JMJD1C: variants seen among roughly 807,000 people sequenced by gnomAD.
JMJD1C encodes the protein jumonji domain-containing protein 1C.
A neutral mutation model predicts 245.3 loss-of-function variants in JMJD1C; 31 were observed. The ratio of observed to expected loss-of-function variants is 0.13; its 90% CI spans 0.09 to 0.17. The LOEUF is 0.17. Ranked by LOEUF, JMJD1C falls within the 10% of genes least tolerant of loss-of-function variation. JMJD1C has a pLI of 1.00. For missense variants in JMJD1C, 2,691 were observed against 3,000.2 expected (o/e 0.90, Z 2.41); for synonymous variants, 1,057 against 1,017.4 (o/e 1.04, Z -0.74).
intron 3 of JMJD1C, among the ~76,000 whole-genome samples, chr10:63,250,169 T>C: frequency 6.6e-6 from 1 of 152,036 alleles, no homozygotes; most frequent in African/African-American, 2.4e-5. Flanking sequence ...CACACCAAAA[T>C]TAGCCATGCC....
At chr10:63,425,589 G>A (rs773625014) in intron 1 of JMJD1C, among the ~76,000 whole-genome samples, 10 of 151,932 alleles carry the variant, frequency 6.6e-5, no homozygotes, top group Non-Finnish European at 1.2e-4. Context: ...CAAGACCAGG[G>A]TGGGTAACAT....
chr10:63,237,050 GTTTT>G (rs1157627436), intron 3 of JMJD1C, among the ~76,000 whole-genome samples: 1 of 151,934 alleles, frequency 6.6e-6, no homozygotes, highest in Admixed American at 6.6e-5. Context: ...GTTTTGTTTT[GTTTT>G]TTTAAGACAT....
At chr10:63,406,911 G>A (rs1283575237) in intron 1 of JMJD1C, among the ~76,000 whole-genome samples, 1 of 152,118 alleles carries the variant, frequency 6.6e-6, no homozygotes, top group Non-Finnish European at 1.5e-5. Context: ...GCTGGATGAT[G>A]AGGATTGTAA....
At chr10:63,411,272 G>A (rs1222831942) in intron 1 of JMJD1C, among the ~76,000 whole-genome samples, 1 of 150,710 alleles carries the variant, frequency 6.6e-6, no homozygotes, top group African/African-American at 2.4e-5. Context: ...AGTTACATGA[G>A]TAGATACAAA....
chr10:63,194,448 C>T (rs1160795986), intron 13 of JMJD1C, 73 bp from the exon 14 acceptor site: 9 of 986,404 alleles, frequency 9.1e-6, no homozygotes, highest in East Asian at 2.4e-5. Flanking sequence ...AAGAACTTAA[C>T]GATTATATAA....
intron 1 of JMJD1C, among the ~76,000 whole-genome samples, chr10:63,510,550 G>C (rs1420270037): frequency 6.6e-6 from 1 of 151,986 alleles, no homozygotes; most frequent in Non-Finnish European, 1.5e-5. Flanking sequence ...TAATTTTATT[G>C]TGCTTTGAGA....
intron 3 of JMJD1C, among the ~76,000 whole-genome samples, chr10:63,221,393 T>TA (rs1432594273): frequency 1.3e-5 from 2 of 152,236 alleles, no homozygotes; most frequent in Non-Finnish European, 2.9e-5. Context: ...GATATGTACT[T>TA]AAACATAGTG....
At chr10:63,461,222 A>C (rs1952775004) in intron 1 of JMJD1C, among the ~76,000 whole-genome samples, 1 of 152,220 alleles carries the variant, frequency 6.6e-6, no homozygotes, top group Non-Finnish European at 1.5e-5. Flanking sequence ...TACTTACATC[A>C]GACATAGAAG....
At chr10:63,469,097 A>G (rs1436158100), upstream of JMJD1C, among the ~76,000 whole-genome samples, 5 of 152,382 alleles carry the variant, frequency 3.3e-5, no homozygotes, top group East Asian at 7.7e-4. Context: ...TAGTAGTTAT[A>G]GATTTTTCAC....
chr10:63,388,808 AG>A (rs1369173189), intron 1 of JMJD1C, among the ~76,000 whole-genome samples: 1 of 152,198 alleles, frequency 6.6e-6, no homozygotes, highest in Non-Finnish European at 1.5e-5. Context: ...TCCCCTATAA[AG>A]GTACATATAA....
intron 2 of JMJD1C, among the ~76,000 whole-genome samples, chr10:63,271,074 G>T (rs1342727985): frequency 6.6e-6 from 1 of 151,998 alleles, no homozygotes; most frequent in Non-Finnish European, 1.5e-5. Context: ...GATGAAAGAG[G>T]AATTATATAT....
chr10:63,503,268 T>G (rs1243568557), intron 1 of JMJD1C, among the ~76,000 whole-genome samples: 2 of 151,930 alleles, frequency 1.3e-5, no homozygotes, highest in Non-Finnish European at 2.9e-5. Context: ...TTTTTAGGGG[T>G]TTTTGGGGGG....
At chr10:63,495,156 AC>A (rs1276864746) in intron 1 of JMJD1C, among the ~76,000 whole-genome samples, 3 of 152,184 alleles carry the variant, frequency 2.0e-5, no homozygotes, top group African/African-American at 7.2e-5. Flanking sequence ...TGCCTCGGGC[AC>A]AAAGAATGTG....
chr10:63,268,245 AAAAAG>A (rs1855867737), intron 2 of JMJD1C, among the ~76,000 whole-genome samples: 1 of 151,990 alleles, frequency 6.6e-6, no homozygotes, highest in Non-Finnish European at 1.5e-5. Flanking sequence ...AAAAAAAAAA[AAAAAG>A]GACTGGAGTG....
At chr10:63,470,478 G>A (rs913201535), upstream of JMJD1C, among the ~76,000 whole-genome samples, 3 of 152,200 alleles carry the variant, frequency 2.0e-5, no homozygotes, top group Admixed American at 2.0e-4. Flanking sequence ...CAGTAGAAAA[G>A]CAAGGTTTTT....
At chr10:63,355,262 T>C (rs932905382) in intron 2 of JMJD1C, among the ~76,000 whole-genome samples, 2 of 152,202 alleles carry the variant, frequency 1.3e-5, no homozygotes, top group Non-Finnish European at 2.9e-5. Context: ...TTCAAGATGT[T>C]ATGCAAAGGT....
rs1855462123 is a variant in JMJD1C at position 63,265,563 on chromosome 10, C to T, written c.334-799G>A. Among the ~76,000 whole-genome samples, 5 of 152,232 alleles carry T rather than the reference C, an allele frequency of 3.3e-5. No individual in the cohort carries two copies. In the South Asian group the frequency reaches 1.0e-3, roughly 32 times the overall value. On this transcript the variant is annotated intron_variant, in intron 2 of 25. Transcript: ENST00000399262. ...AATGTATAAATTTCTTTATGACTAT[C>T]ACACTCACTTTCAAAGTAGATGAAG...
At chr10:63,218,246 T>C (rs146150743) in intron 4 of JMJD1C, among the ~76,000 whole-genome samples, 90 of 152,202 alleles carry the variant, frequency 5.9e-4, no homozygotes, top group African/African-American at 2.0e-3. Flanking sequence ...GGGACTGAAT[T>C]TATTTTTCTG....
chr10:63,407,003 A>C (rs997286704), intron 1 of JMJD1C, among the ~76,000 whole-genome samples: 1 of 152,184 alleles, frequency 6.6e-6, no homozygotes, highest in Non-Finnish European at 1.5e-5. Flanking sequence ...CTTAGTGGAA[A>C]AAAAAAGAAG....
Sources: gnomAD v4.1 joint callset for allele counts (sites outside exome capture counted in the v4.1 genomes callset) on GRCh38, gnomAD v4.1.1 for gene constraint, MANE v1.5 for transcripts, NCBI Gene and HGNC (gene_info 2026-07-23, HGNC 2026-07-21) for gene names.